Variants in VEPH1 observed in about 807,000 individuals in gnomAD.
The protein encoded by VEPH1 is ventricular zone-expressed PH domain-containing protein homolog 1.
Under a neutral mutation model 85.2 loss-of-function variants are expected in VEPH1, and 80 were observed. The observed-to-expected ratio is 0.94, with a 90% CI of 0.78 to 1.13. The LOEUF is 1.13. Among genes scored for constraint, VEPH1 ranks in the 50% most tolerant of loss-of-function variants. VEPH1 has a pLI of 0.00. For missense variants in VEPH1, 955 were observed against 980.5 expected, an observed-to-expected ratio of 0.97 and a Z score of 0.35; for synonymous variants, 297 against 348.0, an observed-to-expected ratio of 0.85 and a Z score of 1.63.
chr3:157,394,025 A>C (rs1225547011), intron 6 of VEPH1, among the ~76,000 whole-genome samples: 1 of 152,148 alleles, frequency 6.6e-6, no homozygotes, highest in African/African-American at 2.4e-5. Context: ...TGCTAGCACC[A>C]CCTTTCTGTT....
chr3:157,500,730 A>G (rs762928173), intron 1 of VEPH1, among the ~76,000 whole-genome samples: 16 of 152,086 alleles, frequency 1.1e-4, no homozygotes, highest in Non-Finnish European at 2.1e-4. Flanking sequence ...ATTTTTATCC[A>G]GTTTTATTTT....
At chr3:157,408,992 TCA>T (rs1324966579) in intron 6 of VEPH1, among the ~76,000 whole-genome samples, 2 of 152,116 alleles carry the variant, frequency 1.3e-5, no homozygotes, top group African/African-American at 2.4e-5. Context: ...GGAAGTACAC[TCA>T]CACTTGTATT....
chr3:157,422,264 T>G (rs1171246591), intron 5 of VEPH1, among the ~76,000 whole-genome samples: 1 of 152,150 alleles, frequency 6.6e-6, no homozygotes, highest in Non-Finnish European at 1.5e-5. Flanking sequence ...GACATGAAAG[T>G]TGAAAGGCTG....
chr3:157,261,621 G>A (rs1218019935), intron 13 of VEPH1, among the ~76,000 whole-genome samples: 1 of 152,026 alleles, frequency 6.6e-6, no homozygotes, highest in East Asian at 1.9e-4. Context: ...GTGGGATTTG[G>A]GAAAAATTCA....
chr3:157,288,377 T>A (rs557728186), intron 11 of VEPH1, among the ~76,000 whole-genome samples: 1 of 152,338 alleles, frequency 6.6e-6, no homozygotes, highest in African/African-American at 2.4e-5. Context: ...TTATAAGGGA[T>A]CTAAATAGAG....
intron 9 of VEPH1, among the ~76,000 whole-genome samples, chr3:157,341,050 T>A (rs1723495906): frequency 6.6e-6 from 1 of 151,726 alleles, no homozygotes; most frequent in Non-Finnish European, 1.5e-5. Flanking sequence ...AGACCAAAGG[T>A]AGATAAAACC....
chr3:157,405,700 C>T (rs1731089687), intron 6 of VEPH1, among the ~76,000 whole-genome samples: 1 of 152,206 alleles, frequency 6.6e-6, no homozygotes, highest in African/African-American at 2.4e-5. Context: ...TATCATCTTA[C>T]AAGCCAAACT....
Position 157,494,286 on chromosome 3 carries a change from G to T in VEPH1, c.138+926C>A, listed in dbSNP as rs193091750. ...AAATATGCACACATTTGCCAATTCAGTATTGTATGGCTTGAGTCCCACCAC... is the reference window on the plus strand; with the variant it reads ...AAATATGCACACATTTGCCAATTCATTATTGTATGGCTTGAGTCCCACCAC... On this transcript the variant is annotated intron_variant, in intron 2 of 13. Transcript: ENST00000362010. 2.6e-5 allele frequency among the ~76,000 whole-genome samples: 4 copies of T among 152,332 alleles called. No individual in the cohort carries two copies. In the East Asian group the frequency reaches 5.8e-4, roughly 22 times the overall value.
At chr3:157,404,547 A>G (rs892623634) in intron 6 of VEPH1, among the ~76,000 whole-genome samples, 9 of 152,158 alleles carry the variant, frequency 5.9e-5, no homozygotes, top group African/African-American at 2.2e-4. Context: ...CAATAGGGGA[A>G]CAGAAGAGTG....
At chr3:157,400,130 T>A (rs1730698613) in intron 6 of VEPH1, among the ~76,000 whole-genome samples, 1 of 152,094 alleles carries the variant, frequency 6.6e-6, no homozygotes, top group African/African-American at 2.4e-5. Context: ...AACACGCACT[T>A]TTTGTGGGCT....
intron 4 of VEPH1, among the ~76,000 whole-genome samples, chr3:157,441,179 ATTAAT>A (rs911135768): frequency 6.6e-6 from 1 of 152,214 alleles, no homozygotes; most frequent in Admixed American, 6.5e-5. Flanking sequence ...TAGGGGTTCT[ATTAAT>A]AAGAGGCACT....
chr3:157,496,604 C>G (rs1033074729), intron 1 of VEPH1, among the ~76,000 whole-genome samples: 4 of 152,176 alleles, frequency 2.6e-5, no homozygotes, highest in Admixed American at 6.6e-5. Flanking sequence ...GCATTTTACT[C>G]TGAATGGTTT....
chr3:157,327,754 T>C (rs1209514598), intron 9 of VEPH1, among the ~76,000 whole-genome samples: 1 of 152,158 alleles, frequency 6.6e-6, no homozygotes, highest in African/African-American at 2.4e-5. Flanking sequence ...ATGAAAACTG[T>C]TAAAAACTTG....
intron 1 of VEPH1, among the ~76,000 whole-genome samples, chr3:157,498,571 T>A (rs1463247515): frequency 1.3e-5 from 2 of 152,114 alleles, no homozygotes; most frequent in African/African-American, 4.8e-5. Flanking sequence ...AGGCAGCTGG[T>A]CTCCCAGGAT....
At chr3:157,355,264 A>G (rs1299930115) in intron 9 of VEPH1, among the ~76,000 whole-genome samples, 1 of 152,232 alleles carries the variant, frequency 6.6e-6, no homozygotes, top group Non-Finnish European at 1.5e-5. Flanking sequence ...TCTATTCTGC[A>G]CACAGTTGTA....
At chr3:157,378,306 G>GTATATATA (rs56800722) in intron 7 of VEPH1, among the ~76,000 whole-genome samples, 2 of 94,632 alleles carry the variant, frequency 2.1e-5, no homozygotes, top group Non-Finnish European at 4.0e-5. Flanking sequence ...TTTTTGAATG[G>GTATATATA]TATATATATA....
Position 157,456,145 on chromosome 3 carries a change from T to C in VEPH1, c.529+4036A>G, listed in dbSNP as rs62278651. 6.9e-3 allele frequency among the ~76,000 whole-genome samples: 1,055 copies of C among 152,338 alleles called. 7 individuals carry two copies. The highest frequency in any genetic ancestry group is 9.2e-3 in the Non-Finnish European group (628 of 68,030). On this transcript the variant is annotated intron_variant, in intron 4 of 13. Coordinates refer to ENST00000362010, the MANE Select transcript of VEPH1 (RefSeq NM_001167912.2). The stretch of plus-strand genomic sequence containing the variant: ...GATCAGTAATGTTGAGTTTTTTTCA[T>C]GATTGTTGGCTGCATGTATGTCTTC...
intron 9 of VEPH1, among the ~76,000 whole-genome samples, chr3:157,324,979 C>T (rs929632756): frequency 1.3e-5 from 2 of 152,158 alleles, no homozygotes; most frequent in African/African-American, 4.8e-5. Flanking sequence ...TCCCTTTTCT[C>T]CACAACCTCA....
intron 11 of VEPH1, among the ~76,000 whole-genome samples, chr3:157,298,877 C>A (rs970767672): frequency 6.6e-6 from 1 of 152,112 alleles, no homozygotes; most frequent in Non-Finnish European, 1.5e-5. Context: ...AACATTTTTC[C>A]AATCCACATG....
Sources: gnomAD v4.1 joint callset for allele counts (sites outside exome capture counted in the v4.1 genomes callset) on GRCh38, gnomAD v4.1.1 for gene constraint, MANE v1.5 for transcripts, NCBI Gene and HGNC (gene_info 2026-07-23, HGNC 2026-07-21) for gene names.